Variants in RERE observed in about 807,000 individuals in gnomAD.
RERE encodes the protein arginine-glutamic acid dipeptide repeats protein.
RERE carries 40 observed loss-of-function variants against 146.1 expected under a neutral mutation model. The ratio of observed to expected loss-of-function variants is 0.27; its 90% CI spans 0.21 to 0.36. The LOEUF is 0.36. Among genes scored for constraint, RERE ranks in the 10% least tolerant of loss-of-function variants. The pLI, the probability that RERE is intolerant of heterozygous loss-of-function variation, is 1.00. For synonymous variants in RERE, 1,003 were observed against 866.0 expected (o/e 1.16, Z -2.78); for missense variants, 1,933 against 2,138.7 (o/e 0.90, Z 1.90).
chr1:8,584,015 T>C (rs183700309), intron 4 of RERE, among the ~76,000 whole-genome samples: 1 of 152,050 alleles, frequency 6.6e-6, no homozygotes, highest in Non-Finnish European at 1.5e-5. Flanking sequence ...CTTCAAAACA[T>C]GCTAAAGATA....
At chr1:8,630,992 C>T (rs576432057) in intron 2 of RERE, among the ~76,000 whole-genome samples, 1 of 152,266 alleles carries the variant, frequency 6.6e-6, no homozygotes, top group South Asian at 2.1e-4. Flanking sequence ...AGTAGTGCTA[C>T]AAAGAAAGCC....
intron 1 of RERE, among the ~76,000 whole-genome samples, chr1:8,691,920 C>T (rs1201068647): frequency 6.6e-6 from 1 of 152,138 alleles, no homozygotes; most frequent in East Asian, 1.9e-4. Context: ...ATAGTAAGCC[C>T]CTGAATATGC....
intron 1 of RERE, chr1:8,703,059 G>GGCCCGCTGGCGGCGAGAGCTGA (rs1446978818): frequency 6.6e-6 from 1 of 152,032 alleles, no homozygotes; most frequent in African/African-American, 2.4e-5. Context: ...ACTTGCCTGC[G>GGCCCGCTGGCGGCGAGAGCTGA]GCCCGCTGGC....
At chr1:8,512,978 T>G (rs1645361992) in intron 7 of RERE, 1 of 151,796 alleles carries the variant, frequency 6.6e-6, no homozygotes, top group Admixed American at 6.6e-5. Flanking sequence ...CTCCCCAGGC[T>G]GGGCTGGGTA....
chr1:8,630,153 A>G (rs566563254), intron 2 of RERE, among the ~76,000 whole-genome samples: 2 of 152,320 alleles, frequency 1.3e-5, no homozygotes, highest in East Asian at 3.9e-4. Context: ...ATTTTCCAAG[A>G]CACACAAAGA....
intron 10 of RERE, among the ~76,000 whole-genome samples, chr1:8,471,160 G>A (rs1644679123): frequency 6.6e-6 from 1 of 152,010 alleles, no homozygotes; most frequent in African/African-American, 2.4e-5. Context: ...AGTTGTTATG[G>A]ACTACAACAG....
intron 1 of RERE, among the ~76,000 whole-genome samples, chr1:8,802,182 C>T (rs993870751): frequency 1.3e-5 from 2 of 152,170 alleles, no homozygotes; most frequent in African/African-American, 4.8e-5. Context: ...ATGATCCCAA[C>T]CTATCTTTCC....
chr1:8,608,180 C>T (rs1646745394), intron 4 of RERE, among the ~76,000 whole-genome samples: 1 of 152,126 alleles, frequency 6.6e-6, no homozygotes, highest in Non-Finnish European at 1.5e-5. Flanking sequence ...TGAGCCACCA[C>T]ACCCAGCTGT....
intron 4 of RERE, among the ~76,000 whole-genome samples, chr1:8,594,609 C>T (rs1646533522): frequency 6.6e-6 from 1 of 152,030 alleles, no homozygotes; most frequent in Non-Finnish European, 1.5e-5. Flanking sequence ...AACATTTGAG[C>T]CTCTACATAT....
At chr1:8,725,901 T>C (rs1207090419) in intron 1 of RERE, among the ~76,000 whole-genome samples, 2 of 151,984 alleles carry the variant, frequency 1.3e-5, no homozygotes, top group South Asian at 2.1e-4. Flanking sequence ...CATTCACAAA[T>C]GAGGCATCTA....
chr1:8,453,537 G>A (rs1213819995), intron 11 of RERE, among the ~76,000 whole-genome samples: 5 of 152,166 alleles, frequency 3.3e-5, no homozygotes, highest in East Asian at 1.9e-4. Flanking sequence ...CGGGCATGGC[G>A]GCTCACACCT....
intron 1 of RERE, among the ~76,000 whole-genome samples, chr1:8,732,611 C>T (rs1640108379): frequency 6.6e-6 from 1 of 151,760 alleles, no homozygotes; most frequent in Non-Finnish European, 1.5e-5. Context: ...TTCTGTCAAA[C>T]CCCACAGAAT....
intron 1 of RERE, among the ~76,000 whole-genome samples, chr1:8,710,163 G>T (rs1408311831): frequency 1.3e-5 from 2 of 152,200 alleles, no homozygotes; most frequent in Non-Finnish European, 2.9e-5. Context: ...CTTAGCAAGA[G>T]GCCCACATAT....
rs539362514 is a variant in RERE, at chr1:8,712,345, A to C, written c.-144-55904T>G. Reference sequence around the variant, plus strand: ...ACAACAACTGAGTGAGTACAAAGGAAGGCATGGGCTAACTTCTAACGTTTA... The same window carrying C: ...ACAACAACTGAGTGAGTACAAAGGACGGCATGGGCTAACTTCTAACGTTTA... On this transcript the variant is annotated intron_variant, in intron 1 of 22. Coordinates refer to ENST00000400908, the MANE Select transcript of RERE (RefSeq NM_001042681.2). Among the ~76,000 whole-genome samples the C allele has an allele frequency of 9.8e-5, 15 of 152,362 alleles. No homozygotes were observed. The South Asian group carries it at 2.9e-3, about 29-fold the overall frequency.
chr1:8,800,555 C>A (rs1169654221), intron 1 of RERE, among the ~76,000 whole-genome samples: 1 of 152,132 alleles, frequency 6.6e-6, no homozygotes, highest in Non-Finnish European at 1.5e-5. Context: ...CTGTGGTACA[C>A]ACCTGTAGTC....
intron 4 of RERE, among the ~76,000 whole-genome samples, chr1:8,568,528 G>A (rs1034503039): frequency 3.3e-5 from 5 of 152,066 alleles, no homozygotes; most frequent in Admixed American, 3.3e-4. Context: ...TGCATTCATG[G>A]GTTAACGACT....
At chr1:8,767,100 A>G (rs948657268) in intron 1 of RERE, among the ~76,000 whole-genome samples, 1 of 152,234 alleles carries the variant, frequency 6.6e-6, no homozygotes, top group African/African-American at 2.4e-5. Flanking sequence ...ACTTTTTAAC[A>G]ATAAATTGAC....
At chr1:8,733,152 A>C (rs76691044) in intron 1 of RERE, among the ~76,000 whole-genome samples, 3,953 of 152,126 alleles carry the variant, frequency 0.026, 160 homozygotes, top group African/African-American at 0.089. Flanking sequence ...AGTGTTCTAA[A>C]GTATAAAGTT....
chr1:8,480,126 T>TGG (rs763238660), intron 10 of RERE, among the ~76,000 whole-genome samples: 641 of 47,474 alleles, frequency 0.014, 3 homozygotes, highest in Non-Finnish European at 0.018. Context: ...AAGCCTTTTT[T>TGG]TGTTTTTTTT....
Sources: gnomAD v4.1 joint callset for allele counts (sites outside exome capture counted in the v4.1 genomes callset) on GRCh38, gnomAD v4.1.1 for gene constraint, MANE v1.5 for transcripts, NCBI Gene and HGNC (gene_info 2026-07-23, HGNC 2026-07-21) for gene names.